Variants in CAMTA1 observed in about 807,000 individuals in gnomAD.
CAMTA1 encodes the protein calmodulin-binding transcription activator 1.
In CAMTA1, 27 loss-of-function variants were observed where a neutral mutation model predicts 170.9. The ratio of observed to expected loss-of-function variants is 0.16; its 90% CI spans 0.12 to 0.22. CAMTA1 has a LOEUF of 0.22. Among genes scored for constraint, CAMTA1 ranks in the 10% least tolerant of loss-of-function variants. The pLI is 1.00. For missense variants in CAMTA1, 1,619 were observed against 2,217.2 expected (o/e 0.73, Z 5.42); for synonymous variants, 833 against 891.5 (o/e 0.93, Z 1.17).
intron 3 of CAMTA1, among the ~76,000 whole-genome samples, chr1:6,926,685 T>TTCCC (rs145722380): frequency 2.2e-5 from 3 of 134,784 alleles, no homozygotes; most frequent in East Asian, 2.1e-4. Flanking sequence ...ATTTCCTTCC[T>TTCCC]TCCTTCCCTC....
intron 5 of CAMTA1, among the ~76,000 whole-genome samples, chr1:7,400,023 A>T (rs1035798300): frequency 1.3e-5 from 2 of 152,210 alleles, no homozygotes; most frequent in Non-Finnish European, 2.9e-5. Context: ...CTCTATCAAG[A>T]CTTGGACAAT....
intron 11 of CAMTA1, among the ~76,000 whole-genome samples, chr1:7,721,273 T>G (rs191537042): frequency 1.1e-4 from 17 of 152,326 alleles, no homozygotes; most frequent in African/African-American, 4.1e-4. Flanking sequence ...CAGTCTGTGT[T>G]CAAATCTCTG....
chr1:6,912,014 C>A (rs1046268968), intron 3 of CAMTA1, among the ~76,000 whole-genome samples: 15 of 152,242 alleles, frequency 9.9e-5, no homozygotes, highest in Non-Finnish European at 5.9e-5. Context: ...CTTCCCTCTC[C>A]CTTCCCTTCT....
intron 4 of CAMTA1, among the ~76,000 whole-genome samples, chr1:7,129,243 G>A (rs1645111798): frequency 6.6e-6 from 1 of 152,112 alleles, no homozygotes; most frequent in Non-Finnish European, 1.5e-5. Flanking sequence ...GCTTCTATTA[G>A]GTTGGTGTAA....
chr1:7,470,917 G>A (rs988643876), intron 6 of CAMTA1, among the ~76,000 whole-genome samples: 1 of 152,200 alleles, frequency 6.6e-6, no homozygotes, highest in Non-Finnish European at 1.5e-5. Flanking sequence ...CCAAGGGAGA[G>A]ACATGAATTC....
chr1:7,563,793 C>T (rs1476122471), intron 6 of CAMTA1, among the ~76,000 whole-genome samples: 1 of 152,204 alleles, frequency 6.6e-6, no homozygotes, highest in Non-Finnish European at 1.5e-5. Context: ...GAGGCTCCTG[C>T]ATTTACCCAG....
intron 6 of CAMTA1, among the ~76,000 whole-genome samples, chr1:7,611,182 C>G (rs1209899757): frequency 6.6e-6 from 1 of 152,154 alleles, no homozygotes; most frequent in Admixed American, 6.5e-5. Flanking sequence ...GCTCTCGGTG[C>G]AGAGTTGGGG....
At chr1:7,109,388 C>T (rs180794726) in intron 4 of CAMTA1, among the ~76,000 whole-genome samples, 25 of 152,280 alleles carry the variant, frequency 1.6e-4, no homozygotes, top group East Asian at 5.8e-4. Context: ...GGCATCAATA[C>T]GCACTCTCTG....
At chr1:7,284,126 GTTCTTCTTCTTCTTCTTCTTC>G (rs202166286) in intron 5 of CAMTA1, among the ~76,000 whole-genome samples, 23 of 107,000 alleles carry the variant, frequency 2.1e-4, no homozygotes, top group African/African-American at 4.7e-4. Context: ...ATTTGCTGCT[GTTCTTCTTCTTCTTCTTCTTC>G]TTCTTCTTCT....
At chr1:7,348,640 C>G (rs2084408232) in intron 5 of CAMTA1, among the ~76,000 whole-genome samples, 1 of 152,216 alleles carries the variant, frequency 6.6e-6, no homozygotes, top group Admixed American at 6.5e-5. Context: ...TGTCAGTTAA[C>G]TGAAGTATTT....
intron 11 of CAMTA1, among the ~76,000 whole-genome samples, chr1:7,712,776 T>G (rs1264963922): frequency 2.0e-5 from 3 of 152,206 alleles, no homozygotes; most frequent in African/African-American, 7.2e-5. Flanking sequence ...AGAGGTTTAA[T>G]GGACTCAGTT....
chr1:7,560,791 A>C (rs752997778), intron 6 of CAMTA1, among the ~76,000 whole-genome samples: 3 of 151,948 alleles, frequency 2.0e-5, no homozygotes, highest in Non-Finnish European at 2.9e-5. Flanking sequence ...TCATGAGAAC[A>C]TGGGACTCGG....
rs752268220 is a variant in CAMTA1 at position 7,325,429 on chromosome 1, T to C, written c.438+75803T>C. 6.6e-6 allele frequency among the ~76,000 whole-genome samples: 1 copy of C among 152,144 alleles called. No individual in the cohort carries two copies. Among genetic ancestry groups the C allele is most frequent in the African/African-American group, 2.4e-5 (1 of 41,434 alleles). ...AACACTGAGGTGGAGGGACAGCCAGTACAGAGTTTTAAACTGGAGCATGCT... is the reference window on the plus strand; with the variant it reads ...AACACTGAGGTGGAGGGACAGCCAGCACAGAGTTTTAAACTGGAGCATGCT... On this transcript the variant is annotated intron_variant, in intron 5 of 22. Transcript: ENST00000303635. The surrounding 1 kb of genome is among the most constrained non-coding windows in gnomAD (Gnocchi z 5.0).
chr1:7,749,483 G>C (rs1445418502), intron 19 of CAMTA1, among the ~76,000 whole-genome samples: 1 of 151,904 alleles, frequency 6.6e-6, no homozygotes, highest in African/African-American at 2.4e-5. Flanking sequence ...ACAGAATGAA[G>C]GTTTCAAGTC....
intron 3 of CAMTA1, among the ~76,000 whole-genome samples, chr1:7,082,457 A>C (rs1640153236): frequency 6.6e-6 from 1 of 151,592 alleles, no homozygotes; most frequent in Non-Finnish European, 1.5e-5. Context: ...AGATAGATAG[A>C]TAGATAGATA....
intron 6 of CAMTA1, among the ~76,000 whole-genome samples, chr1:7,613,929 TG>T (rs901764998): frequency 6.3e-5 from 2 of 31,780 alleles, no homozygotes; most frequent in African/African-American, 2.4e-4. Flanking sequence ...AGAGAGATGG[TG>T]GGGGGGCAGG....
At chr1:7,302,552 G>A (rs952955669) in intron 5 of CAMTA1, among the ~76,000 whole-genome samples, 1 of 152,190 alleles carries the variant, frequency 6.6e-6, no homozygotes, top group Admixed American at 6.5e-5. Flanking sequence ...TTATAAATAT[G>A]CAATGCTGCG....
In CAMTA1 at chr1:7,159,929, G is replaced by A. The variant is rs995551346; in HGVS notation, c.302+68558G>A. ...TTCCATAAAGATTAGAATGGTTCCT[G>A]GCACATAGTACACTTTCAGTAAAAA... On this transcript the variant is annotated intron_variant, in intron 4 of 22. Transcript: ENST00000303635. Among the ~76,000 whole-genome samples, 4 of 152,138 alleles carry A rather than the reference G, an allele frequency of 2.6e-5. 1 individual carries two copies. In the South Asian group the frequency reaches 8.3e-4, roughly 32 times the overall value.
chr1:6,867,492 T>C (rs1392155224), intron 3 of CAMTA1, among the ~76,000 whole-genome samples: 1 of 152,174 alleles, frequency 6.6e-6, no homozygotes, highest in Non-Finnish European at 1.5e-5. Flanking sequence ...GTGGAGATGG[T>C]GCCTGCTGGC....
Sources: allele counts gnomAD v4.1 joint callset (sites outside exome capture counted in the v4.1 genomes callset), GRCh38; gene constraint gnomAD v4.1.1; non-coding constraint Gnocchi (gnomAD v3.1); transcripts MANE v1.5; gene names NCBI Gene and HGNC (gene_info 2026-07-23, HGNC 2026-07-21).